Variants in MIER1 observed in about 807,000 individuals in gnomAD.
MIER1 encodes mesoderm induction early response protein 1.
In MIER1, 40 loss-of-function variants were observed where a neutral mutation model predicts 75.7. The observed-to-expected ratio is 0.53, with a 90% CI of 0.41 to 0.69. The LOEUF is 0.69. MIER1 is among the 30% of genes least tolerant of loss of function. MIER1 has a pLI of 0.00. For synonymous variants in MIER1, 213 were observed against 223.4 expected (o/e 0.95, Z 0.42); for missense variants, 574 against 680.2 (o/e 0.84, Z 1.74).
chr1:66,934,585 T>TG (rs898793642), intron 2 of MIER1, among the ~76,000 whole-genome samples: 7 of 150,660 alleles, frequency 4.6e-5, no homozygotes, highest in African/African-American at 7.3e-5. Context: ...TTTTTTTTTT[T>TG]TGTGGAGACA....
At chr1:66,947,145 G>C (rs1657849388) in intron 4 of MIER1, 3 of 241,512 alleles carry the variant, frequency 1.2e-5, no homozygotes, top group Admixed American at 1.3e-4. Flanking sequence ...GTGGTGTTCA[G>C]ATCCACATCT....
intron 2 of MIER1, among the ~76,000 whole-genome samples, chr1:66,932,426 G>A (rs1273624055): frequency 6.6e-6 from 1 of 152,100 alleles, no homozygotes; most frequent in Admixed American, 6.5e-5. Flanking sequence ...GTGAATTGGG[G>A]AAGAGTTAGA....
In MIER1 at chr1:66,976,282, G is replaced by A. The variant is rs891966856; in HGVS notation, c.1102-313G>A. On this transcript the variant is annotated intron_variant, in intron 11 of 13. Coordinates refer to ENST00000401041, the MANE Select transcript of MIER1 (RefSeq NM_001077700.3). ...CTCCCAAAGTGCTGGGATTACAGGC[G>A]TGAGCCACCGTGCCCGGCCAACTTC... 3.3e-5 allele frequency among the ~76,000 whole-genome samples: 5 copies of A among 152,104 alleles called. No individual in the cohort carries two copies. In the East Asian group the frequency reaches 5.8e-4, roughly 18 times the overall value.
At position 66,925,335 on chromosome 1, in the gene MIER1, C is replaced by T. The variant is rs1334394309; in HGVS notation, c.67+240C>T. The T allele has an allele frequency of 8.1e-6, 8 of 985,356 alleles. No homozygotes were observed. The African/African-American group carries it at 1.4e-4, about 17-fold the overall frequency. 61.0% of individuals were successfully genotyped at this position (985,356 alleles called of 1,614,324 possible). The stretch of plus-strand genomic sequence containing the variant: ...GCCATCGACTGCCTCCCAGCGCCGC[C>T]TTTTTGCCTTCGCGGTGGTGGCGCC... On this transcript the variant is annotated intron_variant, in intron 1 of 13. Transcript: ENST00000401041.
At chr1:66,974,437 TTGTTG>T (rs1664293773) in intron 11 of MIER1, among the ~76,000 whole-genome samples, 1 of 149,022 alleles carries the variant, frequency 6.7e-6, no homozygotes, top group Non-Finnish European at 1.5e-5. Flanking sequence ...TTTTTTTTTG[TTGTTG>T]TTGTTGTTGT....
At chr1:66,941,255 CTTT>C (rs920489662) in intron 3 of MIER1, among the ~76,000 whole-genome samples, 6 of 152,124 alleles carry the variant, frequency 3.9e-5, no homozygotes, top group African/African-American at 1.4e-4. Flanking sequence ...GCATCTTACT[CTTT>C]TTAATATGCT....
At chr1:66,958,363 A>G (rs185274570) in intron 5 of MIER1, 143 bp downstream of exon 5, 1 of 551,894 alleles carries the variant, frequency 1.8e-6, no homozygotes, top group East Asian at 3.4e-5. Flanking sequence ...GAAATACATA[A>G]TATAAAAATT....
At chr1:66,959,643 A>G (rs1423042725) in intron 6 of MIER1, 36 bp from the exon 7 acceptor site, 1 of 981,588 alleles carries the variant, frequency 1.0e-6, no homozygotes, top group Non-Finnish European at 1.5e-6. Flanking sequence ...CAGGATAAGC[A>G]GTCATTTTAT....
chr1:66,978,689 AC>A, intron 12 of MIER1, among the ~76,000 whole-genome samples: 1 of 152,324 alleles, frequency 6.6e-6, no homozygotes, highest in South Asian at 2.1e-4. Flanking sequence ...CACGTGAGCT[AC>A]ATTCAGTCTG....
At chr1:66,928,413 CTTGTA>C (rs1337333751) in intron 2 of MIER1, among the ~76,000 whole-genome samples, 3 of 152,070 alleles carry the variant, frequency 2.0e-5, no homozygotes, top group Non-Finnish European at 4.4e-5. Flanking sequence ...ATTTCTGTAC[CTTGTA>C]TTGTAACACT....
intron 4 of MIER1, chr1:66,947,053 C>T (rs938661289): frequency 1.0e-6 from 1 of 953,900 alleles, no homozygotes; most frequent in East Asian, 1.2e-4. Context: ...GGGTCAGTTG[C>T]ATCAGAATCA....
At position 66,987,724 on chromosome 1, in the gene MIER1, T is replaced by C. The variant is rs1325856682; in HGVS notation, c.*2824T>C. The C allele has an allele frequency of 6.8e-6, 1 of 146,686 alleles. No homozygotes were observed. The highest frequency in any genetic ancestry group is 1.5e-5 in the Non-Finnish European group (1 of 67,036). 9.1% of individuals were successfully genotyped at this position (146,686 alleles called of 1,614,324 possible). On this transcript the variant is annotated 3_prime_UTR_variant, in exon 14 of 14. Transcript: ENST00000401041. ...TTAGATTAATTCACTAAGATTTTAT[T>C]AGAGATTGTTTGAATGATGCATGTT...
chr1:66,941,985 A>AAC (rs1553243323), intron 3 of MIER1, among the ~76,000 whole-genome samples: 1 of 151,726 alleles, frequency 6.6e-6, no homozygotes, highest in Non-Finnish European at 1.5e-5. Context: ...AAAAAAAAAA[A>AAC]AACAGTCTTT....
intron 8 of MIER1, among the ~76,000 whole-genome samples, chr1:66,965,470 ATATCAAC>A (rs1662193292): frequency 6.6e-6 from 1 of 152,094 alleles, no homozygotes; most frequent in Non-Finnish European, 1.5e-5. Flanking sequence ...TTCGTATTAT[ATATCAAC>A]AGTGAATAAT....
At chr1:66,952,765 C>G (rs917771144) in intron 4 of MIER1, among the ~76,000 whole-genome samples, 2 of 152,180 alleles carry the variant, frequency 1.3e-5, no homozygotes, top group Admixed American at 6.5e-5. Context: ...CCTCAGCCCC[C>G]CTAGTAGCTG....
At chr1:66,930,399 A>G in intron 2 of MIER1, 1 of 1,607,140 alleles carries the variant, frequency 6.2e-7, no homozygotes, top group Non-Finnish European at 8.5e-7. Flanking sequence ...AATATGGCGG[A>G]GGTAAGGGAG....
intron 7 of MIER1, among the ~76,000 whole-genome samples, chr1:66,962,119 A>G (rs1299981274): frequency 6.6e-6 from 1 of 152,202 alleles, no homozygotes; most frequent in Non-Finnish European, 1.5e-5. Flanking sequence ...AAGAGGGTTC[A>G]TGTAATCTTG....
intron 8 of MIER1, among the ~76,000 whole-genome samples, chr1:66,965,479 GTGAATAATGATCA>G (rs1662193884): frequency 6.6e-6 from 1 of 151,994 alleles, no homozygotes; most frequent in Non-Finnish European, 1.5e-5. Flanking sequence ...TATATCAACA[GTGAATAATGATCA>G]CATTCTCTTA....
intron 2 of MIER1, among the ~76,000 whole-genome samples, chr1:66,936,815 A>G (rs1654968383): frequency 6.6e-6 from 1 of 151,650 alleles, no homozygotes; most frequent in African/African-American, 2.4e-5. Flanking sequence ...CCTGGCCAAC[A>G]TGTGTGAAAC....
Sources: gnomAD v4.1 joint callset for allele counts (sites outside exome capture counted in the v4.1 genomes callset) on GRCh38, gnomAD v4.1.1 for gene constraint, MANE v1.5 for transcripts, NCBI Gene and HGNC (gene_info 2026-07-23, HGNC 2026-07-21) for gene names.